CRB1: variants seen among roughly 807,000 people sequenced by gnomAD.
CRB1 encodes protein crumbs homolog 1.
Under a neutral mutation model 120.0 loss-of-function variants are expected in CRB1, and 83 were observed. The ratio of observed to expected loss-of-function variants is 0.69; its 90% CI spans 0.58 to 0.83. The LOEUF (loss-of-function observed/expected upper bound fraction) is 0.83. Ranked by LOEUF, CRB1 falls within the 40% of genes least tolerant of loss-of-function variation. The probability of loss-of-function intolerance (pLI) is 0.00; values close to 1 mark genes in which losing one functional copy is unlikely to be tolerated. For missense variants in CRB1, 1,699 were observed against 1,687.6 expected (o/e 1.01, Z -0.12); for synonymous variants, 625 against 612.5 (o/e 1.02, Z -0.30).
chr1:197,401,369 T>C (rs1435678527), intron 5 of CRB1, among the ~76,000 whole-genome samples: 5 of 152,136 alleles, frequency 3.3e-5, no homozygotes, highest in Non-Finnish European at 7.4e-5. Flanking sequence ...ATTACCAAGG[T>C]CAAAGTGAAA....
At chr1:197,298,824 T>C (rs928207011) in intron 1 of CRB1, among the ~76,000 whole-genome samples, 11 of 152,028 alleles carry the variant, frequency 7.2e-5, no homozygotes, top group African/African-American at 2.2e-4. Context: ...TTTATTGATA[T>C]TGAAAACATA....
chr1:197,320,746 A>G (rs1335837481), intron 1 of CRB1, among the ~76,000 whole-genome samples: 1 of 152,214 alleles, frequency 6.6e-6, no homozygotes, highest in Non-Finnish European at 1.5e-5. Context: ...GTTGAATAGT[A>G]TATGGGATTT....
the CRB1 span, among the ~76,000 whole-genome samples, chr1:197,212,860 A>C: frequency 6.6e-6 from 1 of 152,190 alleles, no homozygotes; most frequent in Non-Finnish European, 1.5e-5. Context: ...TTTACAGGCA[A>C]ATTTACTATA....
intron 11 of CRB1, among the ~76,000 whole-genome samples, chr1:197,447,707 A>G (rs574712942): frequency 6.6e-6 from 1 of 152,132 alleles, no homozygotes; most frequent in African/African-American, 2.4e-5. Flanking sequence ...AAATACAAAA[A>G]TTAGTTTGGC....
rs554222983 is a variant in CRB1 at position 197,298,939 on chromosome 1, T to C, written c.71-29483T>C. Among the ~76,000 whole-genome samples the C allele has an allele frequency of 8.5e-5, 13 of 152,230 alleles. No homozygotes were observed. In the South Asian group the frequency reaches 2.5e-3, roughly 29 times the overall value. On this transcript the variant is annotated intron_variant, in intron 1 of 11. Transcript: ENST00000367400. ...TTTACAAAAGCAAAAGAATATTTCATTACCTCAATGTAGGAATACATTTAT... is the reference window on the plus strand; with the variant it reads ...TTTACAAAAGCAAAAGAATATTTCACTACCTCAATGTAGGAATACATTTAT...
chr1:197,433,024 T>C (rs997852825), intron 8 of CRB1, among the ~76,000 whole-genome samples: 1 of 151,226 alleles, frequency 6.6e-6, no homozygotes, highest in African/African-American at 2.4e-5. Flanking sequence ...ATCATGTAGA[T>C]GCTTTTTTTT....
chr1:197,214,464 C>T, the CRB1 span, among the ~76,000 whole-genome samples: 27 of 152,098 alleles, frequency 1.8e-4, no homozygotes, highest in Non-Finnish European at 5.9e-5. Context: ...TACTCTGGGA[C>T]TTGAGTATGT....
the CRB1 span, among the ~76,000 whole-genome samples, chr1:197,217,879 T>G: frequency 6.6e-6 from 1 of 152,188 alleles, no homozygotes; most frequent in Non-Finnish European, 1.5e-5. Flanking sequence ...ATGTAATAAT[T>G]TTTATGTGAA....
chr1:197,383,535 G>A (rs1051646829), intron 5 of CRB1, among the ~76,000 whole-genome samples: 1 of 152,148 alleles, frequency 6.6e-6, no homozygotes, highest in Non-Finnish European at 1.5e-5. Flanking sequence ...ATTCTCAAAT[G>A]TCCCTTATAC....
chr1:197,453,539 T>TATAGAGAG (rs1553266395), intron 11 of CRB1, among the ~76,000 whole-genome samples: 6 of 58,510 alleles, frequency 1.0e-4, no homozygotes, highest in African/African-American at 2.5e-4. Context: ...TATATATATA[T>TATAGAGAG]AGAGAGAGAG....
At chr1:197,405,385 G>T (rs900105705) in intron 5 of CRB1, among the ~76,000 whole-genome samples, 151 of 151,812 alleles carry the variant, frequency 9.9e-4, no homozygotes, top group African/African-American at 3.6e-3. Context: ...GTGCTCAATG[G>T]TGCCCAGGCT....
chr1:197,470,501 A>G lies in CRB1; in HGVS notation c.4006-7163A>G, dbSNP rs143766475. 1.5e-3 allele frequency among the ~76,000 whole-genome samples: 221 copies of G among 152,360 alleles called. 4 individuals are homozygous for G. Among genetic ancestry groups the G allele is most frequent in the African/African-American group, 5.2e-3 (215 of 41,582 alleles). Reference sequence around the variant, plus strand: ...TTCAACAATAAATTTACAAAGCATAATGAAATATAACTGAGTTTGAGCTGC... The same window carrying G: ...TTCAACAATAAATTTACAAAGCATAGTGAAATATAACTGAGTTTGAGCTGC... On this transcript the variant is annotated intron_variant, in intron 11 of 11. Coordinates refer to ENST00000367400, the MANE Select transcript of CRB1 (RefSeq NM_201253.3).
intron 1 of CRB1, among the ~76,000 whole-genome samples, chr1:197,293,096 C>A (rs1323724153): frequency 6.6e-6 from 1 of 151,942 alleles, no homozygotes; most frequent in Non-Finnish European, 1.5e-5. Flanking sequence ...AAATGGTATT[C>A]GATCAGGAAA....
chr1:197,405,421 C>G (rs1009617425), intron 5 of CRB1, among the ~76,000 whole-genome samples: 6 of 151,214 alleles, frequency 4.0e-5, no homozygotes, highest in African/African-American at 1.2e-4. Context: ...GATCTCGGCT[C>G]GCTACAACCT....
At chr1:197,403,823 T>G (rs549531566) in intron 5 of CRB1, among the ~76,000 whole-genome samples, 10 of 152,280 alleles carry the variant, frequency 6.6e-5, no homozygotes, top group African/African-American at 2.2e-4. Context: ...CCACATCTCC[T>G]TAGCAAGTGC....
chr1:197,440,888 T>C lies in CRB1; in HGVS notation c.3879-1278T>C, dbSNP rs1412826838. ...GCAGGCTCCTGAGGGTTGTCAAGTTTTGCTCAGATCTAATCAGAGAAGTCT... is the reference window on the plus strand; with the variant it reads ...GCAGGCTCCTGAGGGTTGTCAAGTTCTGCTCAGATCTAATCAGAGAAGTCT... On this transcript the variant is annotated intron_variant, in intron 10 of 11. Coordinates refer to ENST00000367400, the MANE Select transcript of CRB1 (RefSeq NM_201253.3). 3 of 152,254 alleles carry C rather than the reference T, an allele frequency of 2.0e-5. No individual in the cohort carries two copies. The East Asian group carries it at 5.8e-4, about 29-fold the overall frequency. The allele number at this position is 152,254 out of a possible 1,614,324, so 9.4% of individuals were successfully genotyped here.
At chr1:197,364,057 G>A in intron 5 of CRB1, 2 of 1,341,510 alleles carry the variant, frequency 1.5e-6, no homozygotes. Context: ...AAAGAATCAG[G>A]CAGATCCGTG....
the CRB1 span, among the ~76,000 whole-genome samples, chr1:197,214,959 A>G: frequency 6.6e-6 from 1 of 152,196 alleles, no homozygotes; most frequent in Non-Finnish European, 1.5e-5. Flanking sequence ...GGCAAATTGA[A>G]TTCAAAAACA....
intron 11 of CRB1, among the ~76,000 whole-genome samples, chr1:197,463,494 A>ACAGT (rs1558159018): frequency 1.8e-4 from 27 of 152,346 alleles, no homozygotes; most frequent in Non-Finnish European, 3.1e-4. Context: ...GTCTGCAGAT[A>ACAGT]TGCCAACTAA....
Sources: gnomAD v4.1 joint callset for allele counts (sites outside exome capture counted in the v4.1 genomes callset) on GRCh38, gnomAD v4.1.1 for gene constraint, MANE v1.5 for transcripts, NCBI Gene and HGNC (gene_info 2026-07-23, HGNC 2026-07-21) for gene names.